The following PRIM2 variants were observed in gnomAD, a reference collection of about 807,000 sequenced individuals.
PRIM2 encodes the protein DNA primase large subunit.
In PRIM2, 39 loss-of-function variants were observed where a neutral mutation model predicts 67.3. The ratio of observed to expected loss-of-function variants is 0.58; its 90% CI spans 0.45 to 0.76. The LOEUF (loss-of-function observed/expected upper bound fraction) is 0.76, where lower values mean the gene tolerates loss of function less well. Ranked by LOEUF, PRIM2 falls within the 30% of genes least tolerant of loss-of-function variation. The pLI is 0.00. For missense variants in PRIM2, 398 were observed against 598.7 expected (o/e 0.66, Z 3.50); for synonymous variants, 143 against 198.7 (o/e 0.72, Z 2.36).
intron 10 of PRIM2, among the ~76,000 whole-genome samples, chr6:57,583,128 T>G (rs1776127390): frequency 1.3e-5 from 2 of 151,306 alleles, no homozygotes; most frequent in African/African-American, 4.9e-5. Context: ...CATCATTTTT[T>G]ATGGCTGCAT....
At chr6:57,344,330 GTAAT>G (rs967495050) in intron 5 of PRIM2, among the ~76,000 whole-genome samples, 13 of 152,166 alleles carry the variant, frequency 8.5e-5, no homozygotes, top group Non-Finnish European at 1.8e-4. Context: ...GCAAAATTGA[GTAAT>G]TATTTTTTTT....
At chr6:57,464,368 C>T (rs1324318573) in intron 7 of PRIM2, among the ~76,000 whole-genome samples, 11 of 151,998 alleles carry the variant, frequency 7.2e-5, no homozygotes, top group African/African-American at 2.7e-4. Context: ...ACCTCCGTCT[C>T]CCAGGTTCAA....
At chr6:57,451,000 T>C (rs1212926248) in intron 7 of PRIM2, among the ~76,000 whole-genome samples, 1 of 152,200 alleles carries the variant, frequency 6.6e-6, no homozygotes, top group Non-Finnish European at 1.5e-5. Flanking sequence ...TTCTTATCCT[T>C]GCCTTATTTC....
the PRIM2 span, among the ~76,000 whole-genome samples, chr6:57,300,160 G>T: frequency 6.6e-6 from 1 of 152,184 alleles, no homozygotes. Context: ...AGCCCTCTTG[G>T]ACTTTCCCTG....
At chr6:57,570,864 T>C (rs1411467107) in intron 10 of PRIM2, among the ~76,000 whole-genome samples, 2 of 152,190 alleles carry the variant, frequency 1.3e-5, no homozygotes, top group Non-Finnish European at 2.9e-5. Context: ...GTGTGTAAAC[T>C]TTCTTCATCT....
rs1409852847 is a variant in PRIM2 at position 57,503,584 on chromosome 6, A to G, written c.694-3803A>G. ...GACAACATGGTGAAACCCCATCTCT[A>G]TTAAAAATACAGAAATTAGCTGGGC... On this transcript the variant is annotated intron_variant, in intron 7 of 13. Transcript: ENST00000615550. Among the ~76,000 whole-genome samples the G allele has an allele frequency of 5.9e-5, 9 of 152,216 alleles. No individual in the cohort carries two copies. In the East Asian group the frequency reaches 1.7e-3, roughly 29 times the overall value.
chr6:57,330,821 ATGT>A (rs1218166474), intron 5 of PRIM2, among the ~76,000 whole-genome samples: 1 of 151,970 alleles, frequency 6.6e-6, no homozygotes, highest in East Asian at 1.9e-4. Context: ...TTAAGAAAGG[ATGT>A]TGTATTTTGT....
At chr6:57,491,187 ATTT>A (rs1773880719) in intron 7 of PRIM2, among the ~76,000 whole-genome samples, 2 of 152,312 alleles carry the variant, frequency 1.3e-5, no homozygotes, top group African/African-American at 4.8e-5. Context: ...AATCTAAAAT[ATTT>A]TAGAATGATA....
chr6:57,446,883 A>G (rs1225101325), intron 7 of PRIM2, among the ~76,000 whole-genome samples: 3 of 152,158 alleles, frequency 2.0e-5, no homozygotes, highest in Non-Finnish European at 2.9e-5. Flanking sequence ...AAGGGAAGGT[A>G]GAAGTTGGGC....
chr6:57,337,498 A>T (rs1768297822), intron 5 of PRIM2, among the ~76,000 whole-genome samples: 1 of 151,948 alleles, frequency 6.6e-6, no homozygotes, highest in Non-Finnish European at 1.5e-5. Flanking sequence ...AACAGAAATT[A>T]TAACAAACTA....
At chr6:57,244,434 C>A in the PRIM2 span, among the ~76,000 whole-genome samples, 4 of 152,088 alleles carry the variant, frequency 2.6e-5, no homozygotes, top group Admixed American at 2.6e-4. Context: ...TCAGCTAAGG[C>A]TTTATATGAA....
At chr6:57,320,383 G>A in intron 2 of PRIM2, 74 bp from the exon 3 acceptor site, 1 of 961,362 alleles carries the variant, frequency 1.0e-6, no homozygotes, top group South Asian at 1.6e-5. Context: ...TTATGGAATT[G>A]CCCTCCATAG....
chr6:57,320,591 A>C (rs1219267045), intron 3 of PRIM2, 31 bp downstream of exon 3: 1 of 1,384,498 alleles, frequency 7.2e-7, no homozygotes, highest in Non-Finnish European at 9.9e-7. Context: ...AAGTTCCTTC[A>C]GTTTCTATGC....
rs1401856881 is a variant in PRIM2 at position 57,632,481 on chromosome 6, G to A, written c.1299+280G>A. ...TCCATATCTAGGGATGAGCCCAAGG[G>A]TCAATAAAGTTTTTCTGTAAAGAGC... On this transcript the variant is annotated intron_variant, in intron 13 of 13. Transcript: ENST00000615550. 7.2e-5 allele frequency among the ~76,000 whole-genome samples: 11 copies of A among 152,216 alleles called. No homozygotes were observed. The East Asian group carries it at 2.1e-3, about 29-fold the overall frequency.
intron 7 of PRIM2, among the ~76,000 whole-genome samples, chr6:57,460,510 A>G (rs1293531020): frequency 6.6e-6 from 1 of 151,962 alleles, no homozygotes; most frequent in Non-Finnish European, 1.5e-5. Flanking sequence ...CCAGTTAAAT[A>G]TGATATCTAC....
chr6:57,244,800 C>A, the PRIM2 span, among the ~76,000 whole-genome samples: 2 of 152,030 alleles, frequency 1.3e-5, no homozygotes, highest in African/African-American at 4.8e-5. Flanking sequence ...TGCCCTGCAA[C>A]ACTGCAGCAG....
chr6:57,228,572 G>C, the PRIM2 span, among the ~76,000 whole-genome samples: 2 of 152,170 alleles, frequency 1.3e-5, no homozygotes, highest in African/African-American at 2.4e-5. Context: ...TTAAAGATGA[G>C]ACATGTGCGA....
At chr6:57,336,201 G>A (rs1314513783) in intron 5 of PRIM2, among the ~76,000 whole-genome samples, 2 of 152,066 alleles carry the variant, frequency 1.3e-5, no homozygotes, top group Non-Finnish European at 2.9e-5. Flanking sequence ...AAGAAATATG[G>A]GACTATGTGA....
chr6:57,304,758 A>G, the PRIM2 span, among the ~76,000 whole-genome samples: 89 of 152,334 alleles, frequency 5.8e-4, no homozygotes, highest in African/African-American at 2.1e-3. Context: ...TGCCTAGGTG[A>G]GAAGTAGAAG....
Sources: allele counts gnomAD v4.1 joint callset (sites outside exome capture counted in the v4.1 genomes callset), GRCh38; gene constraint gnomAD v4.1.1; transcripts MANE v1.5; gene names NCBI Gene and HGNC (gene_info 2026-07-23, HGNC 2026-07-21).